OLA1: variants seen among roughly 807,000 people sequenced by gnomAD.
OLA1 encodes the protein obg-like ATPase 1.
In OLA1, 14 loss-of-function variants were observed where a neutral mutation model predicts 48.4. The ratio of observed to expected loss-of-function variants is 0.29; its 90% CI spans 0.19 to 0.45. OLA1 has a LOEUF of 0.45. Ranked by LOEUF, OLA1 falls within the 20% of genes least tolerant of loss-of-function variation. The probability of loss-of-function intolerance (pLI) is 1.00; values close to 1 mark genes in which losing one functional copy is unlikely to be tolerated. For missense variants in OLA1, 325 were observed against 467.1 expected, an observed-to-expected ratio of 0.70 and a Z score of 2.80; for synonymous variants, 127 against 150.4, an observed-to-expected ratio of 0.84 and a Z score of 1.14.
chr2:174,152,649 A>G (rs1251006429), intron 4 of OLA1, among the ~76,000 whole-genome samples: 1 of 152,216 alleles, frequency 6.6e-6, no homozygotes, highest in Admixed American at 6.5e-5. Context: ...ATCTCTGGAG[A>G]AACAAAATAT....
chr2:174,219,491 G>T (rs539109739), intron 4 of OLA1, among the ~76,000 whole-genome samples: 1 of 140,974 alleles, frequency 7.1e-6, no homozygotes, highest in African/African-American at 2.7e-5. Context: ...GTGCAGTGGC[G>T]CAATGTTGGC....
intron 4 of OLA1, among the ~76,000 whole-genome samples, chr2:174,148,834 T>C (rs1686676483): frequency 6.6e-6 from 1 of 152,316 alleles, no homozygotes; most frequent in African/African-American, 2.4e-5. Context: ...TGCTGGATAT[T>C]AGCCCCTCCC....
chr2:174,211,513 T>A (rs1401719335), intron 4 of OLA1, among the ~76,000 whole-genome samples: 1 of 152,238 alleles, frequency 6.6e-6, no homozygotes, highest in African/African-American at 2.4e-5. Flanking sequence ...TAGAAAATTA[T>A]ATTTGAATCA....
chr2:174,196,292 A>C (rs373178954), intron 4 of OLA1, among the ~76,000 whole-genome samples: 2 of 152,168 alleles, frequency 1.3e-5, no homozygotes, highest in African/African-American at 4.8e-5. Flanking sequence ...AAGAGCATTA[A>C]ATTTCATTTG....
intron 4 of OLA1, among the ~76,000 whole-genome samples, chr2:174,205,347 C>T (rs1354164926): frequency 1.5e-5 from 2 of 132,760 alleles, no homozygotes; most frequent in African/African-American, 2.9e-5. Flanking sequence ...CTGCCCTGCA[C>T]CTTCACACCT....
chr2:174,203,884 G>A lies in OLA1; in HGVS notation c.373+19149C>T, dbSNP rs200058605. The stretch of plus-strand genomic sequence containing the variant: ...ATCTCGGCTCACTGCAACCTCTGCC[G>A]CCCGGGTTCAAGTGATTCTCCTGCC... On this transcript the variant is annotated intron_variant, in intron 4 of 10. Transcript: ENST00000284719. Among the ~76,000 whole-genome samples the A allele has an allele frequency of 5.4e-5, 8 of 147,980 alleles. No homozygotes were observed. The East Asian group carries it at 1.0e-3, about 19-fold the overall frequency.
intron 3 of OLA1, among the ~76,000 whole-genome samples, chr2:174,224,548 G>C (rs1177282615): frequency 6.6e-6 from 1 of 152,160 alleles, no homozygotes; most frequent in Non-Finnish European, 1.5e-5. Flanking sequence ...AGGCAGGAGG[G>C]AGGATGGCTT....
At chr2:174,241,874 G>A (rs144952887) in intron 2 of OLA1, among the ~76,000 whole-genome samples, 3 of 152,192 alleles carry the variant, frequency 2.0e-5, no homozygotes, top group African/African-American at 7.2e-5. Flanking sequence ...GACCTCAAGT[G>A]ATCCGCTTGC....
chr2:174,112,189 C>T (rs988031266), intron 7 of OLA1, among the ~76,000 whole-genome samples: 1 of 152,142 alleles, frequency 6.6e-6, no homozygotes, highest in Non-Finnish European at 1.5e-5. Flanking sequence ...ATCACCAGTG[C>T]CCCAGTGCTG....
chr2:174,074,751 A>G lies in OLA1; in HGVS notation c.*675T>C, dbSNP rs1684686300. On this transcript the variant is annotated 3_prime_UTR_variant, in exon 11 of 11. Transcript: ENST00000284719. ...GTCAGTCACCTATCTCATATCCCTC[A>G]TAATATCATTGCTATCATCTTTCAA... The G allele has an allele frequency of 6.6e-6, 1 of 152,562 alleles. No homozygotes were observed. Among genetic ancestry groups the G allele is most frequent in the Non-Finnish European group, 1.5e-5 (1 of 68,048 alleles). The allele number at this position is 152,562 out of a possible 1,614,324, so 9.5% of individuals were successfully genotyped here. A position where few individuals can be genotyped will look rare whatever the true frequency, so the allele number is the denominator to read the frequency against.
At chr2:174,231,427 C>T (rs1405166583) in intron 2 of OLA1, among the ~76,000 whole-genome samples, 1 of 152,094 alleles carries the variant, frequency 6.6e-6, no homozygotes, top group Non-Finnish European at 1.5e-5. Flanking sequence ...TTAAAAACTG[C>T]TCATTACTAT....
At chr2:174,220,292 C>T (rs1297045633) in intron 4 of OLA1, among the ~76,000 whole-genome samples, 1 of 152,150 alleles carries the variant, frequency 6.6e-6, no homozygotes, top group African/African-American at 2.4e-5. Context: ...AGGCAGCAGG[C>T]TCCTTTCTAC....
In OLA1 at chr2:174,229,514, C is replaced by T. The variant is rs1005698712; in HGVS notation, c.102-63G>A. ...TTAACACCAAGAAAAATTTATCTCACTCTAATTTCAATGCTCAAATAAGAT... is the reference window on the plus strand; with the variant it reads ...TTAACACCAAGAAAAATTTATCTCATTCTAATTTCAATGCTCAAATAAGAT... On this transcript the variant is annotated intron_variant, in intron 2 of 10. Coordinates refer to ENST00000284719, the MANE Select transcript of OLA1 (RefSeq NM_013341.5). 5 of 1,224,058 alleles carry T rather than the reference C, an allele frequency of 4.1e-6. No homozygotes were observed. The African/African-American group carries it at 6.1e-5, about 15-fold the overall frequency. The allele number at this position is 1,224,058 out of a possible 1,614,324, so 75.8% of individuals were successfully genotyped here. A position where few individuals can be genotyped will look rare whatever the true frequency, so the allele number is the denominator to read the frequency against.
At chr2:174,087,393 G>A (rs376631159) in intron 7 of OLA1, among the ~76,000 whole-genome samples, 10 of 151,784 alleles carry the variant, frequency 6.6e-5, no homozygotes, top group Admixed American at 2.6e-4. Flanking sequence ...TGTTTCTGGT[G>A]TTTCTACGTA....
At chr2:174,143,263 C>A (rs1165021789) in intron 4 of OLA1, among the ~76,000 whole-genome samples, 1 of 151,874 alleles carries the variant, frequency 6.6e-6, no homozygotes, top group African/African-American at 2.4e-5. Context: ...TTCATATGAG[C>A]AAAATTAGCA....
intron 5 of OLA1, among the ~76,000 whole-genome samples, chr2:174,132,202 C>T (rs1686198639): frequency 6.6e-6 from 1 of 152,072 alleles, no homozygotes; most frequent in African/African-American, 2.4e-5. Context: ...TACAGTAACA[C>T]ATTTTCGTTC....
In OLA1 at chr2:174,145,803, C is replaced by T. The variant is rs559788405; in HGVS notation, c.374-3803G>A. Among the ~76,000 whole-genome samples the T allele has an allele frequency of 1.6e-4, 25 of 152,234 alleles. No individual in the cohort carries two copies. The East Asian group carries it at 3.9e-3, about 23-fold the overall frequency. ...ATCATATATTCTGGTAAAATAACTCCTATCAAGAGAAATGCCTGAAAATAC... is the reference window on the plus strand; with the variant it reads ...ATCATATATTCTGGTAAAATAACTCTTATCAAGAGAAATGCCTGAAAATAC... On this transcript the variant is annotated intron_variant, in intron 4 of 10. Transcript: ENST00000284719.
intron 2 of OLA1, among the ~76,000 whole-genome samples, chr2:174,232,466 G>C (rs1352327879): frequency 6.6e-6 from 1 of 151,882 alleles, no homozygotes; most frequent in Admixed American, 6.6e-5. Context: ...ACATGGGTGA[G>C]TATAATTACA....
At chr2:174,175,689 A>G (rs1039189639) in intron 4 of OLA1, among the ~76,000 whole-genome samples, 1 of 152,068 alleles carries the variant, frequency 6.6e-6, no homozygotes, top group African/African-American at 2.4e-5. Flanking sequence ...TACAGTTACC[A>G]TACACTTCAG....
Sources: allele counts gnomAD v4.1 joint callset (sites outside exome capture counted in the v4.1 genomes callset), GRCh38; gene constraint gnomAD v4.1.1; transcripts MANE v1.5; gene names NCBI Gene and HGNC (gene_info 2026-07-23, HGNC 2026-07-21).